Variants in ARHGAP44 observed in about 807,000 individuals in gnomAD.
ARHGAP44 encodes the protein Rho GTPase activating protein 44.
In ARHGAP44, 43 loss-of-function variants were observed where a neutral mutation model predicts 106.8. The observed-to-expected ratio is 0.40, with a 90% CI of 0.32 to 0.52. The LOEUF (loss-of-function observed/expected upper bound fraction) is 0.52, where lower values mean the gene tolerates loss of function less well. ARHGAP44 is among the 20% of genes least tolerant of loss of function. ARHGAP44 has a pLI of 0.48. For synonymous variants in ARHGAP44, 439 were observed against 410.3 expected (o/e 1.07, Z -0.85); for missense variants, 866 against 1,050.5 (o/e 0.82, Z 2.43).
chr17:12,789,777 G>C lies in ARHGAP44; in HGVS notation c.-62G>C. 7.1e-7 allele frequency: 1 copy of C among 1,416,420 alleles called. No homozygotes were observed. Among genetic ancestry groups the C allele is most frequent in the Non-Finnish European group, 9.3e-7 (1 of 1,080,504 alleles). 87.7% of individuals were successfully genotyped at this position (1,416,420 alleles called of 1,614,324 possible). Reference sequence around the variant, plus strand: ...CCGCGCGGGAGCCATGTAACCCTGCGGCGGGCTCCGGGCTGCTCCGTCCTT... The same window carrying C: ...CCGCGCGGGAGCCATGTAACCCTGCCGCGGGCTCCGGGCTGCTCCGTCCTT... On this transcript the variant is annotated 5_prime_UTR_variant, in exon 1 of 21. Transcript: ENST00000379672.
At chr17:12,967,345 C>T (rs2039421052) in intron 16 of ARHGAP44, among the ~76,000 whole-genome samples, 1 of 148,892 alleles carries the variant, frequency 6.7e-6, no homozygotes. Flanking sequence ...CCTCCCACCT[C>T]AGCCTCCCAA....
intron 18 of ARHGAP44, among the ~76,000 whole-genome samples, chr17:12,974,588 T>C (rs1010718275): frequency 4.6e-5 from 7 of 152,092 alleles, no homozygotes; most frequent in African/African-American, 7.2e-5. Flanking sequence ...GTTCCCCAAC[T>C]CTGTTTTCCC....
At chr17:12,899,638 AACAG>A (rs1313494688) in intron 3 of ARHGAP44, among the ~76,000 whole-genome samples, 3 of 152,138 alleles carry the variant, frequency 2.0e-5, no homozygotes, top group Non-Finnish European at 4.4e-5. Flanking sequence ...GGAGTGAATG[AACAG>A]ACACTGTCTC....
intron 1 of ARHGAP44, among the ~76,000 whole-genome samples, chr17:12,841,656 A>AAAAC (rs2035411551): frequency 1.3e-5 from 2 of 150,228 alleles, no homozygotes; most frequent in African/African-American, 4.9e-5. Context: ...ACAAACAAAA[A>AAAAC]CCACACAACC....
intron 1 of ARHGAP44, among the ~76,000 whole-genome samples, chr17:12,815,238 G>A (rs925906955): frequency 1.3e-5 from 2 of 152,056 alleles, no homozygotes; most frequent in Admixed American, 6.6e-5. Flanking sequence ...TCCCCTAAAG[G>A]TTATCCTGTA....
chr17:12,869,286 T>C (rs920317494), intron 1 of ARHGAP44, among the ~76,000 whole-genome samples: 1 of 152,194 alleles, frequency 6.6e-6, no homozygotes, highest in African/African-American at 2.4e-5. Context: ...CTAAAACATA[T>C]ACTGTGTTTT....
chr17:12,910,303 TTTGG>T (rs963884742), intron 4 of ARHGAP44, among the ~76,000 whole-genome samples: 2 of 151,450 alleles, frequency 1.3e-5, no homozygotes, highest in Non-Finnish European at 2.9e-5. Context: ...TCTTAGGTTC[TTTGG>T]TTGGGCCCTG....
chr17:12,957,955 T>C (rs554779036), intron 15 of ARHGAP44, among the ~76,000 whole-genome samples: 2 of 152,344 alleles, frequency 1.3e-5, no homozygotes, highest in South Asian at 4.1e-4. Flanking sequence ...TTGCTTCATG[T>C]GTTTTAAGGT....
chr17:12,952,803 A>G (rs1250727323), intron 13 of ARHGAP44, among the ~76,000 whole-genome samples: 1 of 138,498 alleles, frequency 7.2e-6, no homozygotes, highest in Non-Finnish European at 1.5e-5. Context: ...GGATGATCTC[A>G]GCTCACTGCA....
chr17:12,938,553 A>G lies in ARHGAP44; in HGVS notation c.583-2503A>G, dbSNP rs549385483. Among the ~76,000 whole-genome samples, 126 of 146,794 alleles carry G rather than the reference A, an allele frequency of 8.6e-4. 1 individual carries two copies. Among genetic ancestry groups the G allele is most frequent in the African/African-American group, 2.7e-3 (109 of 39,712 alleles). On this transcript the variant is annotated intron_variant, in intron 7 of 20. Coordinates refer to ENST00000379672, the MANE Select transcript of ARHGAP44 (RefSeq NM_014859.6). ...AGAGCAGTCTGCTCAATTCATGAAC[A>G]GTTCTGGGACATTTGGTTAGCTATA...
chr17:12,800,620 C>A (rs8067753), intron 1 of ARHGAP44, among the ~76,000 whole-genome samples: 31,172 of 152,164 alleles, frequency 0.2, 5,857 homozygotes, highest in African/African-American at 0.49. Context: ...GGCCAAAAGT[C>A]ATAGAGCCAC....
intron 19 of ARHGAP44, among the ~76,000 whole-genome samples, chr17:12,981,400 C>CTT (rs113607267): frequency 6.9e-6 from 1 of 145,768 alleles, no homozygotes; most frequent in Non-Finnish European, 1.5e-5. Context: ...TTGGTTATGT[C>CTT]TTTTTTTTTT....
intron 18 of ARHGAP44, among the ~76,000 whole-genome samples, chr17:12,978,692 T>C (rs2039756871): frequency 7.7e-6 from 1 of 129,308 alleles, no homozygotes; most frequent in Non-Finnish European, 1.7e-5. Context: ...TCTTTTTTCT[T>C]TTTTCTTTTT....
intron 16 of ARHGAP44, among the ~76,000 whole-genome samples, chr17:12,965,686 A>T (rs1357016027): frequency 6.6e-6 from 1 of 152,216 alleles, no homozygotes; most frequent in Non-Finnish European, 1.5e-5. Context: ...AGTCTTTAAC[A>T]TGCTGTTACA....
chr17:12,906,317 G>A (rs535335901), intron 3 of ARHGAP44, among the ~76,000 whole-genome samples: 1 of 152,262 alleles, frequency 6.6e-6, no homozygotes, highest in African/African-American at 2.4e-5. Flanking sequence ...TGTATGTCTT[G>A]CAATTTATTC....
rs537104642 is a variant in ARHGAP44 at position 12,952,773 on chromosome 17, G to A, written c.1136+192G>A. 1.2e-4 allele frequency among the ~76,000 whole-genome samples: 16 copies of A among 129,234 alleles called. No homozygotes were observed. In the South Asian group the frequency reaches 2.3e-3, roughly 19 times the overall value. The allele number at this position is 129,234 out of a possible 152,430, so 84.8% of individuals were successfully genotyped here. ...TTTTGAGACAGAGTCTCACTGTGTC[G>A]CCCAGGCTGGAGTACAGTGGGATGA... On this transcript the variant is annotated intron_variant, in intron 13 of 20. Transcript: ENST00000379672.
chr17:12,927,988 G>A (rs945027848), intron 6 of ARHGAP44, among the ~76,000 whole-genome samples: 5 of 151,984 alleles, frequency 3.3e-5, no homozygotes, highest in Admixed American at 6.6e-5. Context: ...ACTCAGGAGA[G>A]GAACCCACTG....
chr17:12,987,118 C>T (rs918574906), intron 20 of ARHGAP44: 16 of 1,532,788 alleles, frequency 1.0e-5, no homozygotes, highest in Admixed American at 4.0e-5. Context: ...ACATGAGTGG[C>T]GCAGTTTTGG....
chr17:12,852,946 C>T (rs1030972585), intron 1 of ARHGAP44, among the ~76,000 whole-genome samples: 5 of 152,030 alleles, frequency 3.3e-5, no homozygotes, highest in Admixed American at 6.6e-5. Context: ...GCAAGATATT[C>T]GAAGTGTGAG....
Sources: allele counts gnomAD v4.1 joint callset (sites outside exome capture counted in the v4.1 genomes callset), GRCh38; gene constraint gnomAD v4.1.1; transcripts MANE v1.5; gene names NCBI Gene and HGNC (gene_info 2026-07-23, HGNC 2026-07-21).